The following CNTNAP2 variants were observed in gnomAD, a reference collection of about 807,000 sequenced individuals.
The protein encoded by CNTNAP2 is contactin-associated protein-like 2.
Under a neutral mutation model 155.2 loss-of-function variants are expected in CNTNAP2, and 98 were observed. The ratio of observed to expected loss-of-function variants is 0.63; its 90% CI spans 0.54 to 0.75. The LOEUF is 0.75. Ranked by LOEUF, CNTNAP2 falls within the 30% of genes least tolerant of loss-of-function variation. CNTNAP2 has a pLI of 0.00. For missense variants in CNTNAP2, 1,727 were observed against 1,688.1 expected, an observed-to-expected ratio of 1.02 and a Z score of -0.40; for synonymous variants, 651 against 631.2, an observed-to-expected ratio of 1.03 and a Z score of -0.47.
chr7:147,688,149 T>G (rs1796039753), intron 13 of CNTNAP2, among the ~76,000 whole-genome samples: 1 of 152,112 alleles, frequency 6.6e-6, no homozygotes, highest in African/African-American at 2.4e-5. Flanking sequence ...TATTTTGCCT[T>G]TAAAAAATAT....
At chr7:146,603,800 C>A (rs4726801) in intron 1 of CNTNAP2, among the ~76,000 whole-genome samples, 1 of 149,946 alleles carries the variant, frequency 6.7e-6, no homozygotes, top group African/African-American at 2.5e-5. Context: ...TTTGACAAAC[C>A]TGAGAAAAAC....
intron 22 of CNTNAP2, among the ~76,000 whole-genome samples, chr7:148,399,731 G>A (rs1387474056): frequency 6.6e-6 from 1 of 152,096 alleles, no homozygotes; most frequent in Admixed American, 6.5e-5. Flanking sequence ...ACACTAAAAA[G>A]AAATAGAACT....
chr7:147,825,196 GA>G (rs887626401), intron 13 of CNTNAP2, among the ~76,000 whole-genome samples: 78 of 152,286 alleles, frequency 5.1e-4, no homozygotes, highest in African/African-American at 1.8e-3. Flanking sequence ...GCTGTTAAAA[GA>G]AAATTGAAAG....
chr7:146,895,299 G>T (rs1398063564), intron 3 of CNTNAP2, among the ~76,000 whole-genome samples: 2 of 108,528 alleles, frequency 1.8e-5, no homozygotes, highest in East Asian at 5.7e-4. Context: ...CTTCCCTCCC[G>T]CCCTCCTTCC....
chr7:148,406,002 A>G (rs1799695523), intron 22 of CNTNAP2, among the ~76,000 whole-genome samples: 1 of 151,956 alleles, frequency 6.6e-6, no homozygotes, highest in Non-Finnish European at 1.5e-5. Context: ...AGAGGCCAAG[A>G]CCGGCAGATC....
chr7:147,639,096 C>G lies in CNTNAP2; in HGVS notation c.1898-10C>G. ...ATGATCCAGGGTCCTGGTTGTTTTT[C>G]TCCCCACAGAGGACAAAGTGTGGAC... On this transcript the variant is annotated splice_polypyrimidine_tract_variant and intron_variant, in intron 12 of 23. Transcript: ENST00000361727. 6.2e-7 allele frequency: 1 copy of G among 1,613,916 alleles called. No individual in the cohort carries two copies. Among genetic ancestry groups the G allele is most frequent in the Non-Finnish European group, 8.5e-7 (1 of 1,179,898 alleles).
chr7:147,182,612 G>A (rs4282491), intron 8 of CNTNAP2, among the ~76,000 whole-genome samples: 33,605 of 151,302 alleles, frequency 0.22, 4,601 homozygotes, highest in Non-Finnish European at 0.3. Flanking sequence ...TGAAACCTAA[G>A]TATCTTTTTA....
At chr7:146,431,546 C>T (rs185077012) in intron 1 of CNTNAP2, among the ~76,000 whole-genome samples, 47 of 152,036 alleles carry the variant, frequency 3.1e-4, no homozygotes, top group African/African-American at 8.7e-4. Context: ...CTGTGAAGAG[C>T]GTACTATTTG....
chr7:147,527,380 A>G (rs1799346697), intron 11 of CNTNAP2, among the ~76,000 whole-genome samples: 1 of 152,260 alleles, frequency 6.6e-6, no homozygotes, highest in African/African-American at 2.4e-5. Flanking sequence ...TAGAAATCTT[A>G]GAGAGCATAC....
chr7:147,877,924 C>A (rs1044646326), intron 13 of CNTNAP2, among the ~76,000 whole-genome samples: 2 of 152,146 alleles, frequency 1.3e-5, no homozygotes, highest in African/African-American at 4.8e-5. Context: ...CCATTTAATA[C>A]CCTACATTGG....
chr7:148,028,319 G>A (rs1399459105), intron 15 of CNTNAP2, among the ~76,000 whole-genome samples: 1 of 152,086 alleles, frequency 6.6e-6, no homozygotes, highest in Non-Finnish European at 1.5e-5. Context: ...AGAAAACTGA[G>A]GTCTAATAAT....
intron 13 of CNTNAP2, among the ~76,000 whole-genome samples, chr7:147,649,761 A>G (rs1170002123): frequency 1.3e-5 from 2 of 152,090 alleles, no homozygotes; most frequent in Non-Finnish European, 2.9e-5. Flanking sequence ...AATTCAAAAA[A>G]TTAAAAAACT....
At chr7:146,548,223 T>C (rs1017059017) in intron 1 of CNTNAP2, among the ~76,000 whole-genome samples, 4 of 152,008 alleles carry the variant, frequency 2.6e-5, no homozygotes, top group African/African-American at 4.8e-5. Context: ...TGGTATTTGG[T>C]TTTCCATTTC....
At chr7:148,341,679 A>G (rs1177927) in intron 21 of CNTNAP2, among the ~76,000 whole-genome samples, 53,504 of 151,960 alleles carry the variant, frequency 0.35, 9,965 homozygotes, top group Non-Finnish European at 0.41. Context: ...GAAATGTTCT[A>G]ACTTTCACAT....
At chr7:146,821,486 G>A (rs1347492464) in intron 2 of CNTNAP2, among the ~76,000 whole-genome samples, 2 of 151,916 alleles carry the variant, frequency 1.3e-5, no homozygotes, top group Admixed American at 6.6e-5. Context: ...AATGTTGAAT[G>A]TTGGAGCTTC....
chr7:147,317,802 A>ATATATG lies in CNTNAP2; in HGVS notation c.1498+17513_1498+17514insATATGT, dbSNP rs553818227. Among the ~76,000 whole-genome samples the ATATATG allele has an allele frequency of 2.4e-3, 256 of 107,434 alleles. 3 individuals are homozygous for ATATATG. The highest frequency in any genetic ancestry group is 8.8e-3 in the South Asian group (20 of 2,282). 70.5% of individuals were successfully genotyped at this position (107,434 alleles called of 152,430 possible). ...TGTGTGTGTGTGTGTGTGTGTGTAT[A>ATATATG]TGTATATATATGTGTGTGTGTGTGT... On this transcript the variant is annotated intron_variant, in intron 9 of 23. Transcript: ENST00000361727.
chr7:146,672,554 C>T (rs2129168362), intron 1 of CNTNAP2, among the ~76,000 whole-genome samples: 1 of 152,202 alleles, frequency 6.6e-6, no homozygotes, highest in African/African-American at 2.4e-5. Context: ...ACGGCAAAGT[C>T]ACATCACAAA....
chr7:147,405,457 G>A (rs2116475997), intron 10 of CNTNAP2, among the ~76,000 whole-genome samples: 1 of 152,218 alleles, frequency 6.6e-6, no homozygotes, highest in South Asian at 2.1e-4. Context: ...CATTCTTTTT[G>A]TAAAATATTG....
At chr7:146,404,764 C>T (rs1363282762) in intron 1 of CNTNAP2, among the ~76,000 whole-genome samples, 22 of 152,104 alleles carry the variant, frequency 1.4e-4, no homozygotes, top group Admixed American at 1.4e-3. Flanking sequence ...CTTCCCTCCT[C>T]GTCCTTCTGC....
Sources: gnomAD v4.1 joint callset for allele counts (sites outside exome capture counted in the v4.1 genomes callset) on GRCh38, gnomAD v4.1.1 for gene constraint, MANE v1.5 for transcripts, NCBI Gene and HGNC (gene_info 2026-07-23, HGNC 2026-07-21) for gene names.